Variants in GRM4 observed in about 807,000 individuals in gnomAD.
The protein encoded by GRM4 is metabotropic glutamate receptor 4.
GRM4 carries 28 observed loss-of-function variants against 81.7 expected under a neutral mutation model. The observed-to-expected ratio is 0.34, with a 90% CI of 0.25 to 0.47. The LOEUF is 0.47. GRM4 is among the 20% of genes least tolerant of loss of function. GRM4 has a pLI of 1.00. For missense variants in GRM4, 948 were observed against 1,290.0 expected, an observed-to-expected ratio of 0.73 and a Z score of 4.06; for synonymous variants, 488 against 528.8, an observed-to-expected ratio of 0.92 and a Z score of 1.06.
rs978546549 is a variant in GRM4 at position 34,092,431 on chromosome 6, T to G, written c.520-332A>C. Among the ~76,000 whole-genome samples the G allele has an allele frequency of 4.6e-5, 7 of 152,138 alleles. No individual in the cohort carries two copies. The highest frequency in any genetic ancestry group is 7.4e-5 in the Non-Finnish European group (5 of 68,008). ...AGGGAAAATCCCCACATACGTGAGATGATTCAGCCTGGGGATGGGGTGGGA... is the reference window on the plus strand; with the variant it reads ...AGGGAAAATCCCCACATACGTGAGAGGATTCAGCCTGGGGATGGGGTGGGA... On this transcript the variant is annotated intron_variant, in intron 2 of 10. Transcript: ENST00000538487. The surrounding 1 kb of genome is among the most constrained non-coding windows in gnomAD (Gnocchi z 6.8).
chr6:34,140,962 A>G (rs572207331), intron 1 of GRM4, among the ~76,000 whole-genome samples: 89 of 152,346 alleles, frequency 5.8e-4, no homozygotes, highest in African/African-American at 1.9e-3. Context: ...GAGGTCAGGC[A>G]CTGAAAAGAG....
In GRM4 at chr6:34,070,439, G is replaced by A. The variant is rs909025301; in HGVS notation, c.737-8411C>T. On this transcript the variant is annotated intron_variant, in intron 3 of 10. Transcript: ENST00000538487. This position sits in a 1 kb window ranked among gnomAD's most constrained non-coding sequence, Gnocchi z 4.6. ...TGCATGCTGGCTGTGCAAAGGCACCGGGTCACAAGGGCCCTGCCTGAAGAC... is the reference window on the plus strand; with the variant it reads ...TGCATGCTGGCTGTGCAAAGGCACCAGGTCACAAGGGCCCTGCCTGAAGAC... Among the ~76,000 whole-genome samples, 2 of 152,080 alleles carry A rather than the reference G, an allele frequency of 1.3e-5. No individual in the cohort carries two copies. Among genetic ancestry groups the A allele is most frequent in the Non-Finnish European group, 2.9e-5 (2 of 68,018 alleles).
intron 2 of GRM4, chr6:34,103,782 T>G: frequency 1.4e-6 from 2 of 1,449,568 alleles, no homozygotes; most frequent in Non-Finnish European, 9.0e-7. Flanking sequence ...GCAAGTCACC[T>G]CCTTTGTGAG....
At chr6:34,044,591 G>A (rs1461316705) in intron 6 of GRM4, among the ~76,000 whole-genome samples, 2 of 94,110 alleles carry the variant, frequency 2.1e-5, no homozygotes, top group African/African-American at 8.2e-5. Context: ...CACAGACACA[G>A]ACACACACAT....
intron 2 of GRM4, among the ~76,000 whole-genome samples, chr6:34,128,122 C>T (rs11962222): frequency 0.088 from 13,368 of 152,222 alleles, 1,148 homozygotes; most frequent in African/African-American, 0.22. Flanking sequence ...GTTGTCTGCT[C>T]GGTCTCAACA....
Position 34,105,010 on chromosome 6 carries a change from C to T in GRM4, c.520-12911G>A, listed in dbSNP as rs188349871. 2.0e-4 allele frequency among the ~76,000 whole-genome samples: 30 copies of T among 152,192 alleles called. 1 individual carries two copies. Among genetic ancestry groups the T allele is most frequent in the African/African-American group, 6.3e-4 (26 of 41,510 alleles). On this transcript the variant is annotated intron_variant, in intron 2 of 10. Transcript: ENST00000538487. The stretch of plus-strand genomic sequence containing the variant: ...CCACATCACCAGGAGCACTGAGTGC[C>T]AGCAGTGGGGCGTGGCCAGGCCGAG...
intron 2 of GRM4, among the ~76,000 whole-genome samples, chr6:34,104,262 G>A (rs1330385885): frequency 1.3e-5 from 2 of 152,232 alleles, no homozygotes; most frequent in Non-Finnish European, 2.9e-5. Context: ...AGCAGGGTGG[G>A]CTTCCCCGGG....
intron 2 of GRM4, among the ~76,000 whole-genome samples, chr6:34,102,840 G>A (rs1428745322): frequency 6.6e-6 from 1 of 152,170 alleles, no homozygotes; most frequent in Non-Finnish European, 1.5e-5. Flanking sequence ...AGCCAGTGAG[G>A]AAGCTGAAGC....
intron 9 of GRM4, among the ~76,000 whole-genome samples, chr6:34,030,443 T>G (rs1764356112): frequency 6.6e-6 from 1 of 152,178 alleles, no homozygotes; most frequent in Admixed American, 6.5e-5. Context: ...TTGAGGCCCT[T>G]CTCTGGGCAG....
rs34475739 is a variant in GRM4 at position 34,080,830 on chromosome 6, T to TCACACA, written c.736+11047_736+11052dup. On this transcript the variant is annotated intron_variant, in intron 3 of 10. Transcript: ENST00000538487. The surrounding 1 kb of genome is among the most constrained non-coding windows in gnomAD (Gnocchi z 5.4). The stretch of plus-strand genomic sequence containing the variant: ...CACTTCTCTCTTCTCTCTCTCTCTC[T>TCACACA]CACACACACACACACATACACACAC... Among the ~76,000 whole-genome samples the TCACACA allele has an allele frequency of 2.1e-5, 3 of 140,358 alleles. No homozygotes were observed. The highest frequency in any genetic ancestry group is 4.6e-5 in the Non-Finnish European group (3 of 65,362). The allele number at this position is 140,358 out of a possible 152,430, so 92.1% of individuals were successfully genotyped here.
In GRM4 at chr6:34,047,313, C is replaced by A. The variant is rs867234986; in HGVS notation, c.1169-6565G>T. On this transcript the variant is annotated intron_variant, in intron 6 of 10. Coordinates refer to ENST00000538487, the MANE Select transcript of GRM4 (RefSeq NM_000841.4). The surrounding 1 kb of genome is among the most constrained non-coding windows in gnomAD (Gnocchi z 4.5). ...TCCCCACTCCTTCCCCACCAACATG[C>A]GATGGGCGAGGGATGCCCACCGCAT... Among the ~76,000 whole-genome samples, 1 of 152,056 alleles carries A rather than the reference C, an allele frequency of 6.6e-6. No homozygotes were observed. Among genetic ancestry groups the A allele is most frequent in the African/African-American group, 2.4e-5 (1 of 41,392 alleles).
chr6:34,129,475 G>A (rs566606079), intron 2 of GRM4, among the ~76,000 whole-genome samples: 2 of 152,236 alleles, frequency 1.3e-5, no homozygotes, highest in African/African-American at 4.8e-5. Flanking sequence ...CAACCACTGG[G>A]CTTGGGTGCC....
Position 34,035,559 on chromosome 6 carries a change from T to TGAAAGAAGGAAGAATGAGGCAA in GRM4, c.2442+108_2442+109insTTGCCTCATTCTTCCTTCTTTC. The TGAAAGAAGGAAGAATGAGGCAA allele has an allele frequency of 1.7e-6, 1 of 581,980 alleles. No homozygotes were observed. Among genetic ancestry groups the TGAAAGAAGGAAGAATGAGGCAA allele is most frequent in the East Asian group, 3.1e-5 (1 of 32,248 alleles). The allele number at this position is 581,980 out of a possible 1,614,324, so 36.1% of individuals were successfully genotyped here. A position where few individuals can be genotyped will look rare whatever the true frequency, so the allele number is the denominator to read the frequency against. On this transcript the variant is annotated intron_variant, in intron 9 of 10. Coordinates refer to ENST00000538487, the MANE Select transcript of GRM4 (RefSeq NM_000841.4). This position sits in a 1 kb window ranked among gnomAD's most constrained non-coding sequence, Gnocchi z 6.6. ...GCAAGAAAGAAGGCAGAATGAGGCA[T>TGAAAGAAGGAAGAATGAGGCAA]GAAAGAAGGCATTTCTGGAGCAGGG...
rs962773900 is a variant in GRM4 at position 34,020,534 on chromosome 6, C to A, written c.*2287G>T. On this transcript the variant is annotated 3_prime_UTR_variant, in exon 11 of 11. Transcript: ENST00000538487. Reference sequence around the variant, plus strand: ...GCATTCCCCATCCCTACCCCCCACCCCCCCACCCCCAACTGCCCTGGAAGC... The same window carrying A: ...GCATTCCCCATCCCTACCCCCCACCACCCCACCCCCAACTGCCCTGGAAGC... 3.6e-5 allele frequency: 5 copies of A among 139,046 alleles called. No individual in the cohort carries two copies. The highest frequency in any genetic ancestry group is 2.8e-4 in the Admixed American group (4 of 14,174). 8.6% of individuals were successfully genotyped at this position (139,046 alleles called of 1,614,324 possible). A position where few individuals can be genotyped will look rare whatever the true frequency, so the allele number is the denominator to read the frequency against.
intron 2 of GRM4, among the ~76,000 whole-genome samples, chr6:34,109,881 C>T (rs906883793): frequency 2.0e-5 from 3 of 152,110 alleles, no homozygotes; most frequent in Admixed American, 6.5e-5. Context: ...TCTGACTGTG[C>T]CCTCAGCTGG....
At chr6:34,050,145 C>T (rs916064775) in intron 6 of GRM4, among the ~76,000 whole-genome samples, 1 of 152,200 alleles carries the variant, frequency 6.6e-6, no homozygotes, top group African/African-American at 2.4e-5. Flanking sequence ...TCATTGCTCC[C>T]CCAGGCTTGC....
At chr6:34,106,397 A>G (rs891404897) in intron 2 of GRM4, among the ~76,000 whole-genome samples, 53 of 150,930 alleles carry the variant, frequency 3.5e-4, no homozygotes, top group Non-Finnish European at 7.4e-4. Context: ...CCTGGGAGAC[A>G]GAGCAAGGCT....
Position 34,040,662 on chromosome 6 carries a change from C to T in GRM4, c.1255G>A (p.Ala419Thr), listed in dbSNP as rs376872551. The change falls in exon 7 of 11, where the codon GCG becomes ACG. Residue 419 changes from alanine (A) to threonine (T), a missense_variant. Transcript: ENST00000538487. ...VIDAVYAMGH[A>T]LHAMHRDLCP... ...AGGTCACGGTGCATGGCGTGCAGCGCGTGGCCCATGGCGTACACGGCATCG... is the reference window on the plus strand; with the variant it reads ...AGGTCACGGTGCATGGCGTGCAGCGTGTGGCCCATGGCGTACACGGCATCG... The T allele has an allele frequency of 3.7e-6, 6 of 1,614,064 alleles. No homozygotes were observed. The highest frequency in any genetic ancestry group is 2.2e-5 in the East Asian group (1 of 44,880).
intron 2 of GRM4, among the ~76,000 whole-genome samples, chr6:34,104,776 T>G (rs1449431411): frequency 6.6e-6 from 1 of 152,288 alleles, no homozygotes; most frequent in Non-Finnish European, 1.5e-5. Flanking sequence ...CCTCAGTTTC[T>G]GCATCTGTTC....
Sources: gnomAD v4.1 joint callset for allele counts (sites outside exome capture counted in the v4.1 genomes callset) on GRCh38, gnomAD v4.1.1 for gene constraint, Gnocchi (gnomAD v3.1) non-coding constraint, MANE v1.5 for transcripts, NCBI Gene and HGNC (gene_info 2026-07-23, HGNC 2026-07-21) for gene names.